GALNT17: variants seen among roughly 807,000 people sequenced by gnomAD.
The protein encoded by GALNT17 is UDP-GalNAc:polypeptide N-acetylgalactosaminyltransferase-like 3.
In GALNT17, 29 loss-of-function variants were observed where a neutral mutation model predicts 63.7. The observed-to-expected ratio is 0.46, with a 90% CI of 0.34 to 0.62. The LOEUF is 0.62. GALNT17 is among the 20% of genes least tolerant of loss of function. The pLI, the probability that GALNT17 is intolerant of heterozygous loss-of-function variation, is 0.01. For synonymous variants in GALNT17, 305 were observed against 318.3 expected, an observed-to-expected ratio of 0.96 and a Z score of 0.45; for missense variants, 603 against 799.6, an observed-to-expected ratio of 0.75 and a Z score of 2.97.
Position 71,376,425 on chromosome 7 carries a change from G to GTTTTTTTTT in GALNT17, c.423-11790_423-11782dup, listed in dbSNP as rs57171551. Among the ~76,000 whole-genome samples, 17 of 63,366 alleles carry GTTTTTTTTT rather than the reference G, an allele frequency of 2.7e-4. 1 individual carries two copies. Among genetic ancestry groups the GTTTTTTTTT allele is most frequent in the South Asian group, 1.5e-3 (2 of 1,352 alleles). 41.6% of individuals were successfully genotyped at this position (63,366 alleles called of 152,430 possible). A position where few individuals can be genotyped will look rare whatever the true frequency, so the allele number is the denominator to read the frequency against. On this transcript the variant is annotated intron_variant, in intron 2 of 10. Transcript: ENST00000333538. Reference sequence around the variant, plus strand: ...TTAATAAAACTTAAGGTTTGGAGTTGTTTTTTTTTTTTTTTTTTTTTTTTT... The same window carrying GTTTTTTTTT: ...TTAATAAAACTTAAGGTTTGGAGTTGTTTTTTTTTTTTTTTTTTTTTTTTTTTTTTTTTT...
chr7:71,322,158 T>C (rs1273276168), intron 1 of GALNT17, among the ~76,000 whole-genome samples: 1 of 151,620 alleles, frequency 6.6e-6, no homozygotes, highest in Non-Finnish European at 1.5e-5. Context: ...CTCATTATGT[T>C]GCCCAGGCTG....
chr7:71,712,241 G>A lies in GALNT17; in HGVS notation c.*95G>A. 2 of 1,515,384 alleles carry A rather than the reference G, an allele frequency of 1.3e-6. No homozygotes were observed. The highest frequency in any genetic ancestry group is 1.8e-6 in the Non-Finnish European group (2 of 1,135,424). 93.9% of individuals were successfully genotyped at this position (1,515,384 alleles called of 1,614,324 possible). A position where few individuals can be genotyped will look rare whatever the true frequency, so the allele number is the denominator to read the frequency against. On this transcript the variant is annotated 3_prime_UTR_variant, in exon 11 of 11. Coordinates refer to ENST00000333538, the MANE Select transcript of GALNT17 (RefSeq NM_022479.3). ...TGCCCTGGCGGAGAGACAGCAAGGG[G>A]CCGGCAGGTGCTCGATGGGCCCCCC...
intron 5 of GALNT17, among the ~76,000 whole-genome samples, chr7:71,478,474 C>T (rs59209078): frequency 0.12 from 17,573 of 152,012 alleles, 1,736 homozygotes; most frequent in East Asian, 0.54. Context: ...CCACCATGCC[C>T]GGCTAATTTT....
In GALNT17 at chr7:71,196,386, C is replaced by A. The variant is rs563046863; in HGVS notation, c.238+63346C>A. Among the ~76,000 whole-genome samples, 363 of 151,996 alleles carry A rather than the reference C, an allele frequency of 2.4e-3. 4 individuals carry two copies. The highest frequency in any genetic ancestry group is 8.2e-3 in the African/African-American group (338 of 41,454). On this transcript the variant is annotated intron_variant, in intron 1 of 10. Transcript: ENST00000333538. ...AACTCCTGACCTCAGGTGATCCACCCGCCTCAGCCTCCCAAAGTGTTGGGA... is the reference window on the plus strand; with the variant it reads ...AACTCCTGACCTCAGGTGATCCACCAGCCTCAGCCTCCCAAAGTGTTGGGA...
intron 1 of GALNT17, among the ~76,000 whole-genome samples, chr7:71,263,730 T>C (rs377562724): frequency 6.6e-5 from 10 of 152,156 alleles, no homozygotes; most frequent in East Asian, 3.9e-4. Context: ...GAGACCATCC[T>C]GGCTAACACG....
chr7:71,334,897 C>T (rs1404517327), intron 1 of GALNT17, among the ~76,000 whole-genome samples: 1 of 152,216 alleles, frequency 6.6e-6, no homozygotes, highest in African/African-American at 2.4e-5. Flanking sequence ...TCAAATGAAG[C>T]AAAAGCATCT....
intron 5 of GALNT17, among the ~76,000 whole-genome samples, chr7:71,439,388 G>A (rs925806037): frequency 6.6e-6 from 1 of 152,174 alleles, no homozygotes; most frequent in African/African-American, 2.4e-5. Context: ...ACCAGCCTGG[G>A]TAGATCAATA....
chr7:71,289,496 GA>G (rs1790937998), intron 1 of GALNT17, among the ~76,000 whole-genome samples: 1 of 152,084 alleles, frequency 6.6e-6, no homozygotes, highest in South Asian at 2.1e-4. Context: ...AGCACTTTGG[GA>G]GGCCGAGGAG....
At chr7:71,622,583 CT>C (rs1188285789) in intron 6 of GALNT17, among the ~76,000 whole-genome samples, 2 of 152,110 alleles carry the variant, frequency 1.3e-5, no homozygotes, top group African/African-American at 4.8e-5. Context: ...TGAAGTTTCT[CT>C]TTATGTCACT....
At chr7:71,258,635 A>G (rs1218702231) in intron 1 of GALNT17, among the ~76,000 whole-genome samples, 4 of 152,326 alleles carry the variant, frequency 2.6e-5, no homozygotes, top group Admixed American at 2.6e-4. Flanking sequence ...GGAAGAAAAC[A>G]TTACCATCTG....
chr7:71,142,679 G>T (rs775794932), intron 1 of GALNT17, among the ~76,000 whole-genome samples: 14 of 152,190 alleles, frequency 9.2e-5, no homozygotes, highest in African/African-American at 3.1e-4. Context: ...GGTGGCTCAC[G>T]CCTGTAATCC....
chr7:71,252,221 C>CAAAAAAA (rs11366800), intron 1 of GALNT17, among the ~76,000 whole-genome samples: 1 of 121,752 alleles, frequency 8.2e-6, no homozygotes, highest in Non-Finnish European at 1.7e-5. Context: ...TCCTGAAACT[C>CAAAAAAA]AAAAAAAAAA....
intron 5 of GALNT17, among the ~76,000 whole-genome samples, chr7:71,535,450 C>T (rs1200008524): frequency 1.3e-5 from 2 of 151,970 alleles, no homozygotes; most frequent in Non-Finnish European, 1.5e-5. Context: ...TGCTCCCTGT[C>T]GATGAGGACA....
At chr7:71,518,652 C>G (rs1023948981) in intron 5 of GALNT17, among the ~76,000 whole-genome samples, 18 of 152,306 alleles carry the variant, frequency 1.2e-4, no homozygotes, top group Admixed American at 1.3e-4. Context: ...GCAGCTTTCT[C>G]TAAACAGGAT....
At chr7:71,140,127 G>T (rs1180195591) in intron 1 of GALNT17, among the ~76,000 whole-genome samples, 1 of 152,180 alleles carries the variant, frequency 6.6e-6, no homozygotes, top group East Asian at 1.9e-4. Context: ...CACAGATGCT[G>T]GACGGTACCA....
intron 9 of GALNT17, among the ~76,000 whole-genome samples, chr7:71,693,702 C>T (rs1277806496): frequency 6.6e-6 from 1 of 151,548 alleles, no homozygotes; most frequent in Non-Finnish European, 1.5e-5. Flanking sequence ...TATTAAATAG[C>T]TAATGGGTAC....
chr7:71,519,568 A>AT (rs751704332), intron 5 of GALNT17, among the ~76,000 whole-genome samples: 6 of 152,190 alleles, frequency 3.9e-5, no homozygotes, highest in Non-Finnish European at 7.4e-5. Context: ...GGTTCAAGTG[A>AT]TTCTTGTGCC....
Position 71,549,649 on chromosome 7 carries a change from C to T in GALNT17, c.963-21636C>T, listed in dbSNP as rs561415438. ...AGACTTCATGTAAGTTTCATTATAC[C>T]GAAAGAGTAATTGTTTTTTTCTCCT... On this transcript the variant is annotated intron_variant, in intron 5 of 10. Transcript: ENST00000333538. Among the ~76,000 whole-genome samples, 7 of 152,022 alleles carry T rather than the reference C, an allele frequency of 4.6e-5. No individual in the cohort carries two copies. In the South Asian group the frequency reaches 8.3e-4, roughly 18 times the overall value.
At chr7:71,364,587 C>T (rs1242327083) in intron 2 of GALNT17, among the ~76,000 whole-genome samples, 1 of 152,090 alleles carries the variant, frequency 6.6e-6, no homozygotes, top group Non-Finnish European at 1.5e-5. Context: ...AAATATTTTT[C>T]ATTAGAACCC....
Sources: allele counts gnomAD v4.1 joint callset (sites outside exome capture counted in the v4.1 genomes callset), GRCh38; gene constraint gnomAD v4.1.1; transcripts MANE v1.5; gene names NCBI Gene and HGNC (gene_info 2026-07-23, HGNC 2026-07-21).